CHD1: variants seen among roughly 807,000 people sequenced by gnomAD.
CHD1 encodes the protein chromodomain helicase DNA binding protein 1, also known as ATP-dependent chromatin remodeler CHD1.
Under a neutral mutation model 224.2 loss-of-function variants are expected in CHD1, and 36 were observed. That is an observed-to-expected ratio of 0.16 (90% CI 0.12 to 0.21). The LOEUF is 0.21. Among genes scored for constraint, CHD1 ranks in the 10% least tolerant of loss-of-function variants. The probability of loss-of-function intolerance (pLI) is 1.00; values close to 1 mark genes in which losing one functional copy is unlikely to be tolerated. For missense variants in CHD1, 1,378 were observed against 1,994.8 expected, an observed-to-expected ratio of 0.69 and a Z score of 5.89; for synonymous variants, 668 against 658.3, an observed-to-expected ratio of 1.01 and a Z score of -0.23.
intron 4 of CHD1, 152 bp downstream of exon 4, chr5:98,903,640 A>G (rs976614087): frequency 1.5e-6 from 1 of 664,764 alleles, no homozygotes; most frequent in Non-Finnish European, 2.6e-6. Context: ...ATAATGCAAA[A>G]TCTGTATTTC....
Position 98,882,104 on chromosome 5 carries a change from A to G in CHD1, c.2738T>C (p.Val913Ala), listed in dbSNP as rs1294998490. ...ATCTTCTTCAACTGATCCCTTTGTA[A>G]CTAGACGATAAATATTCACCTGTAA... is the stretch of plus-strand genomic sequence containing the variant. ...QKKQVNIYRLVTKGSVEEDIL... is the reference protein window; with the variant it reads ...QKKQVNIYRLATKGSVEEDIL... Residue 913 changes from valine to alanine, a missense_variant, in exon 20 of 36, where the codon GTT (valine) becomes GCT (alanine). By Grantham distance (64) the Val-to-Ala change is moderately conservative. This residue lies in a region of CHD1 where 57 missense variants were observed against 177.2 expected (regional missense o/e 0.32). Coordinates refer to ENST00000614616, the MANE Select transcript of CHD1 (RefSeq NM_001270.4). 1 of 1,612,998 alleles carries G rather than the reference A, an allele frequency of 6.2e-7. No individual in the cohort carries two copies.
intron 24 of CHD1, among the ~76,000 whole-genome samples, chr5:98,876,081 G>A (rs1017769826): frequency 6.6e-6 from 1 of 152,094 alleles, no homozygotes; most frequent in East Asian, 1.9e-4. Context: ...CATAAACACC[G>A]TGAGAATTTT....
At chr5:98,878,378 G>A (rs1580401206) in intron 23 of CHD1, among the ~76,000 whole-genome samples, 1 of 152,236 alleles carries the variant, frequency 6.6e-6, no homozygotes, top group Non-Finnish European at 1.5e-5. Context: ...TCTACCCTTC[G>A]GGGAATGGTA....
intron 2 of CHD1, among the ~76,000 whole-genome samples, chr5:98,919,757 G>C (rs1177439125): frequency 1.3e-5 from 2 of 152,126 alleles, no homozygotes; most frequent in African/African-American, 4.8e-5. Flanking sequence ...ACAGACGTAA[G>C]GATACAGAAA....
Position 98,881,357 on chromosome 5 carries a change from T to A in CHD1, c.2886A>T (p.Lys962Asn). Reference sequence around the variant, plus strand: ...ACTTTAAAATGGCTGATAACTCTTCTTTATTGAAAGGAGTAGAACTAAAAC... The same window carrying A: ...ACTTTAAAATGGCTGATAACTCTTCATTATTGAAAGGAGTAGAACTAAAAC... ...SAPSSSTPFNKEELSAILKFG... is the reference protein window; with the variant it reads ...SAPSSSTPFNNEELSAILKFG... The change falls in exon 21 of 36, where the codon AAA (lysine) becomes AAT (asparagine). Residue 962 changes from lysine (K) to asparagine (N), a missense_variant. Physicochemically the swap from Lys to Asn is moderately conservative, Grantham distance 94 (BLOSUM62 0). Coordinates refer to ENST00000614616, the MANE Select transcript of CHD1 (RefSeq NM_001270.4). The A allele has an allele frequency of 6.4e-7, 1 of 1,550,690 alleles. No individual in the cohort carries two copies. The highest frequency in any genetic ancestry group is 8.7e-7 in the Non-Finnish European group (1 of 1,146,980).
At chr5:98,880,286 C>A (rs747215820) in intron 22 of CHD1, among the ~76,000 whole-genome samples, 28 of 152,196 alleles carry the variant, frequency 1.8e-4, no homozygotes, top group Non-Finnish European at 3.4e-4. Context: ...GCCTGTGATT[C>A]CAGAAACCTT....
intron 29 of CHD1, among the ~76,000 whole-genome samples, chr5:98,870,455 A>G (rs368100419): frequency 5.4e-5 from 8 of 149,422 alleles, no homozygotes; most frequent in Admixed American, 2.0e-4. Context: ...CTAAAACTAG[A>G]AAAAAAAAAC....
chr5:98,898,361 C>A lies in CHD1; in HGVS notation c.1260G>T (p.Glu420Asp). The change falls in exon 10 of 36, where the codon GAG becomes GAT. Residue 420 changes from glutamate to aspartate, a missense_variant. Around this residue, in one of 16 missense-constraint regions of CHD1, gnomAD observed 86 missense variants for 97.7 expected, o/e 0.88. Coordinates refer to ENST00000614616, the MANE Select transcript of CHD1 (RefSeq NM_001270.4). ...TGAGAGCTCCATCTTCCCAGCTGCA[C>A]TCTGAGTATGGAAGGCCCTGCCATT... ...YCKWQGLPYSECSWEDGALIS... is the reference protein window; with the variant it reads ...YCKWQGLPYSDCSWEDGALIS... The A allele has an allele frequency of 2.5e-6, 4 of 1,602,698 alleles. No individual in the cohort carries two copies. The highest frequency in any genetic ancestry group is 3.4e-6 in the Non-Finnish European group (4 of 1,175,100).
At chr5:98,873,127 C>A (rs1164311094) in intron 26 of CHD1, among the ~76,000 whole-genome samples, 2 of 152,236 alleles carry the variant, frequency 1.3e-5, no homozygotes, top group African/African-American at 4.8e-5. Context: ...TATGCCTGGT[C>A]TGCTTATTAA....
rs1751338700 is a variant in CHD1, at chr5:98,896,246, C to T, written c.1690G>A (p.Asp564Asn). ...CTTACCATGTTTCTGCTGTTAATGTCACCTAAATAAACCACAGCATTCATT... is the reference window on the plus strand; with the variant it reads ...CTTACCATGTTTCTGCTGTTAATGTTACCTAAATAAACCACAGCATTCATT... ...SQMNAVVYLG[D>N]INSRNMIRTH... The change falls in exon 12 of 36, where the codon GAC becomes AAC. Residue 564 changes from aspartate (D) to asparagine (N), a missense_variant. Around this residue, in one of 16 missense-constraint regions of CHD1, gnomAD observed 49 missense variants for 135.7 expected, o/e 0.36. Coordinates refer to ENST00000614616, the MANE Select transcript of CHD1 (RefSeq NM_001270.4). 1 of 1,613,440 alleles carries T rather than the reference C, an allele frequency of 6.2e-7. No homozygotes were observed. The highest frequency in any genetic ancestry group is 8.5e-7 in the Non-Finnish European group (1 of 1,179,422).
intron 27 of CHD1, 66 bp from the exon 28 acceptor site, chr5:98,872,267 AAACGTGAGTCATTAG>A: frequency 6.5e-7 from 1 of 1,533,410 alleles, no homozygotes; most frequent in Non-Finnish European, 8.8e-7. Flanking sequence ...TAATTTTGAA[AAACGTGAGTCATTAG>A]AACTTCAAAA....
chr5:98,879,868 C>CT, intron 22 of CHD1, 140 bp from the exon 23 acceptor site: 1 of 567,170 alleles, frequency 1.8e-6, no homozygotes, highest in Non-Finnish European at 3.0e-6. Flanking sequence ...TCTAAACAAC[C>CT]TAGATTCATT....
At chr5:98,923,123 A>T (rs1174656084) in intron 2 of CHD1, among the ~76,000 whole-genome samples, 1 of 152,230 alleles carries the variant, frequency 6.6e-6, no homozygotes, top group African/African-American at 2.4e-5. Flanking sequence ...CCTTCTTTGT[A>T]ATGTCTTATG....
chr5:98,921,355 G>C (rs561048789), intron 2 of CHD1, among the ~76,000 whole-genome samples: 1 of 152,296 alleles, frequency 6.6e-6, no homozygotes, highest in East Asian at 1.9e-4. Context: ...CAATAACAAA[G>C]TGGCAAGATG....
intron 10 of CHD1, among the ~76,000 whole-genome samples, chr5:98,898,029 C>T (rs996432919): frequency 6.9e-6 from 1 of 145,624 alleles, no homozygotes; most frequent in Non-Finnish European, 1.5e-5. Flanking sequence ...TTGACGAAAA[C>T]ATCATTTACA....
In CHD1 at chr5:98,858,387, A is replaced by C. The variant is rs1189570743; in HGVS notation, c.4580T>G (p.Val1527Gly). The C allele has an allele frequency of 4.3e-6, 7 of 1,610,146 alleles. No homozygotes were observed. The highest frequency in any genetic ancestry group is 5.9e-6 in the Non-Finnish European group (7 of 1,177,112). ...LNPHVIRNPD[V>G]ERLKENTNHD... Reference sequence around the variant, plus strand: ...ATTTGTATTCTCTTTTAATCTTTCCACATCTGTTAGATAAGTACAACTTTT... The same window carrying C: ...ATTTGTATTCTCTTTTAATCTTTCCCCATCTGTTAGATAAGTACAACTTTT... Residue 1527 changes from valine to glycine, a missense_variant, in exon 35 of 36, where the codon GTG (valine) becomes GGG (glycine). Coordinates refer to ENST00000614616, the MANE Select transcript of CHD1 (RefSeq NM_001270.4).
intron 35 of CHD1, among the ~76,000 whole-genome samples, chr5:98,857,121 T>G (rs1748092867): frequency 6.6e-6 from 1 of 152,076 alleles, no homozygotes; most frequent in Admixed American, 6.6e-5. Context: ...CAGGAAAAAG[T>G]TTAAAAATGC....
intron 2 of CHD1, among the ~76,000 whole-genome samples, chr5:98,924,159 C>T (rs1322297800): frequency 2.6e-5 from 4 of 151,944 alleles, no homozygotes; most frequent in African/African-American, 4.8e-5. Context: ...GTGGGAGAAT[C>T]GTTTGAGCCC....
At chr5:98,887,170 T>G (rs1750706147) in intron 17 of CHD1, among the ~76,000 whole-genome samples, 1 of 152,134 alleles carries the variant, frequency 6.6e-6, no homozygotes, top group Non-Finnish European at 1.5e-5. Context: ...TCAATAAAGG[T>G]GTTTTCAAAA....
Sources: allele counts gnomAD v4.1 joint callset (sites outside exome capture counted in the v4.1 genomes callset), GRCh38; gene constraint gnomAD v4.1.1; regional missense constraint gnomAD v4.1.1; transcripts MANE v1.5; gene names NCBI Gene and HGNC (gene_info 2026-07-23, HGNC 2026-07-21).